Variants in RTEL1 observed in about 807,000 individuals in gnomAD.
RTEL1 encodes regulator of telomere elongation helicase 1.
A neutral mutation model predicts 162.2 loss-of-function variants in RTEL1; 86 were observed. That is an observed-to-expected ratio of 0.53 (90% CI 0.45 to 0.63). The LOEUF is 0.63. RTEL1 is among the 30% of genes least tolerant of loss of function. RTEL1 has a pLI of 0.00. For missense variants in RTEL1, 1,941 were observed against 1,750.2 expected, an observed-to-expected ratio of 1.11 and a Z score of -1.95; for synonymous variants, 958 against 717.9, an observed-to-expected ratio of 1.33 and a Z score of -5.35.
In RTEL1 at chr20:63,695,794, C is replaced by T; in HGVS notation, c.3839C>T (p.Pro1280Leu). The T allele has an allele frequency of 6.3e-7, 1 of 1,595,714 alleles. No homozygotes were observed. Among genetic ancestry groups the T allele is most frequent in the African/African-American group, 1.3e-5 (1 of 74,862 alleles). ...GTCTCACAGGCCTCTAGGATGTGCC[C>T]AGCCTGCCACACCGCCTCCAGGAAG... is the stretch of plus-strand genomic sequence containing the variant. Reference protein sequence around the residue: ...QRHLQASRMCPACHTASRKQS... With the variant: ...QRHLQASRMCLACHTASRKQS... The change falls in exon 35 of 35, where the codon CCA becomes CTA. Residue 1280 changes from proline to leucine, a missense_variant. Coordinates refer to ENST00000360203, the MANE Select transcript of RTEL1 (RefSeq NM_001283009.2).
In RTEL1 at chr20:63,691,733, C is replaced by A; in HGVS notation, c.2557-9C>A. 6.2e-7 allele frequency: 1 copy of A among 1,609,536 alleles called. No homozygotes were observed. The highest frequency in any genetic ancestry group is 1.1e-5 in the South Asian group (1 of 90,970). ...GTCTGTGTGTGGTTGTGAGCTGTGT[C>A]CTCCTCAGGCCCACAGCTGCTCCAC... is the stretch of plus-strand genomic sequence containing the variant. On this transcript the variant is annotated splice_polypyrimidine_tract_variant and intron_variant, in intron 27 of 34. Transcript: ENST00000360203.
intron 14 of RTEL1, 97 bp from the exon 15 acceptor site, chr20:63,685,426 C>A: frequency 7.9e-7 from 1 of 1,267,110 alleles, no homozygotes; most frequent in East Asian, 2.5e-5. Context: ...ACCGATGACC[C>A]CTGGGTGTCC....
chr20:63,696,020 G>A lies in RTEL1; in HGVS notation c.*162G>A. ...GGGGCCCATGGTTGGTCCCTGCGGTGGGACCGGATCTGGGCCTGCCTCTGA... is the reference window on the plus strand; with the variant it reads ...GGGGCCCATGGTTGGTCCCTGCGGTAGGACCGGATCTGGGCCTGCCTCTGA... On this transcript the variant is annotated 3_prime_UTR_variant, in exon 35 of 35. Coordinates refer to ENST00000360203, the MANE Select transcript of RTEL1 (RefSeq NM_001283009.2). 1.4e-6 allele frequency: 1 copy of A among 691,092 alleles called. No homozygotes were observed. Among genetic ancestry groups the A allele is most frequent in the Non-Finnish European group, 2.4e-6 (1 of 418,008 alleles). The allele number at this position is 691,092 out of a possible 1,614,324, so 42.8% of individuals were successfully genotyped here.
chr20:63,678,705 T>A lies in RTEL1; in HGVS notation c.1037+359T>A, dbSNP rs1251260357. Among the ~76,000 whole-genome samples, 4 of 31,940 alleles carry A rather than the reference T, an allele frequency of 1.3e-4. No individual in the cohort carries two copies. In the East Asian group the frequency reaches 2.2e-3, roughly 17 times the overall value. The allele number at this position is 31,940 out of a possible 152,430, so 21.0% of individuals were successfully genotyped here. A position where few individuals can be genotyped will look rare whatever the true frequency, so the allele number is the denominator to read the frequency against. On this transcript the variant is annotated intron_variant, in intron 12 of 34. Transcript: ENST00000360203. The stretch of plus-strand genomic sequence containing the variant: ...CACACCCACGGAACAGCACACACAC[T>A]CCCACGGAACAGCACACACACCCAC...
intron 10 of RTEL1, among the ~76,000 whole-genome samples, chr20:63,674,355 T>A (rs2090307588): frequency 6.6e-6 from 1 of 152,200 alleles, no homozygotes; most frequent in Admixed American, 6.5e-5. Flanking sequence ...TCCTGTAGCC[T>A]GTGGAAGGGC....
Position 63,692,999 on chromosome 20 carries a change from C to A in RTEL1, c.2847C>A (p.Leu949=), listed in dbSNP as rs766185347. 1 of 1,612,402 alleles carries A rather than the reference C, an allele frequency of 6.2e-7. No individual in the cohort carries two copies. Among genetic ancestry groups the A allele is most frequent in the African/African-American group, 1.3e-5 (1 of 74,930 alleles). ...AGGACCCCAAGAAGCACAACCTGCT[C>A]CAAGGTGCCCTGGCTTGCAGAGGCC... ...FAEDPKKHNL[L]QGFYQFVRPH... The change falls in exon 29 of 35, where the codon CTC becomes CTA. Residue 949 remains leucine (L), a synonymous_variant. Transcript: ENST00000360203.
chr20:63,673,228 C>T (rs1420081400), intron 9 of RTEL1, among the ~76,000 whole-genome samples: 1 of 151,830 alleles, frequency 6.6e-6, no homozygotes, highest in Non-Finnish European at 1.5e-5. Flanking sequence ...ACCGTCTCTA[C>T]TAAAAATACA....
In RTEL1 at chr20:63,678,355, C is replaced by T. The variant is rs373823132; in HGVS notation, c.1037+9C>T. The T allele has an allele frequency of 1.1e-5, 17 of 1,604,274 alleles. No homozygotes were observed. The highest frequency in any genetic ancestry group is 4.5e-5 in the East Asian group (2 of 44,598). ...GTCACCAAGCCAGGGAGGTGAGAGG[C>T]GGGGAGCCAGCCCCTTCACTGCAGG... On this transcript the variant is annotated intron_variant, in intron 12 of 34. Transcript: ENST00000360203.
rs6062300 is a variant in RTEL1, at chr20:63,672,441, G to A, written c.700-115G>A. On this transcript the variant is annotated intron_variant, in intron 8 of 34. Coordinates refer to ENST00000360203, the MANE Select transcript of RTEL1 (RefSeq NM_001283009.2). ...TCTGGCCTCTGCTCTCGACATCGCCGGCGCTGTTGCTCATCTGCGCTTGTG... is the reference window on the plus strand; with the variant it reads ...TCTGGCCTCTGCTCTCGACATCGCCAGCGCTGTTGCTCATCTGCGCTTGTG... The A allele has an allele frequency of 0.45, 374,617 of 828,762 alleles. 89,103 individuals are homozygous for A. Among genetic ancestry groups the A allele is most frequent in the Non-Finnish European group, 0.49 (245,173 of 497,618 alleles). 51.3% of individuals were successfully genotyped at this position (828,762 alleles called of 1,614,324 possible). A position where few individuals can be genotyped will look rare whatever the true frequency, so the allele number is the denominator to read the frequency against.
intron 7 of RTEL1, among the ~76,000 whole-genome samples, chr20:63,667,038 A>G (rs535847958): frequency 1.1e-4 from 16 of 148,496 alleles, no homozygotes; most frequent in East Asian, 4.0e-4. Context: ...ACGGGGTTTC[A>G]CCGTGTTAGC....
At position 63,674,404 on chromosome 20, in the gene RTEL1, A is replaced by G. The variant is rs186506818; in HGVS notation, c.919+311A>G. Among the ~76,000 whole-genome samples the G allele has an allele frequency of 5.1e-3, 781 of 152,308 alleles. 6 individuals carry two copies. The highest frequency in any genetic ancestry group is 0.018 in the African/African-American group (758 of 41,558). On this transcript the variant is annotated intron_variant, in intron 10 of 34. Transcript: ENST00000360203. ...TAGTTCTGGTATTTTCCAAAGACCTATGTCTTCTCCCAGCCAGTATCAACT... is the reference window on the plus strand; with the variant it reads ...TAGTTCTGGTATTTTCCAAAGACCTGTGTCTTCTCCCAGCCAGTATCAACT...
Position 63,692,838 on chromosome 20 carries a change from G to T in RTEL1, c.2686G>T (p.Ala896Ser), listed in dbSNP as rs769828971. The T allele has an allele frequency of 1.2e-5, 19 of 1,612,580 alleles. No individual in the cohort carries two copies. Among genetic ancestry groups the T allele is most frequent in the Non-Finnish European group, 1.6e-5 (19 of 1,179,842 alleles). Residue 896 changes from alanine to serine, a missense_variant, in exon 29 of 35, where the codon GCC (alanine) becomes TCC (serine). Ala to Ser is a moderately conservative substitution (Grantham distance 99). Transcript: ENST00000360203. Reference sequence around the variant, plus strand: ...CGTGGCTGGTGCACAGACGGACAGGGCCAAGCTCTTCATGGTGGCCGTGAA... The same window carrying T: ...CGTGGCTGGTGCACAGACGGACAGGTCCAAGCTCTTCATGGTGGCCGTGAA... ...EPVAGAQTDR[A>S]KLFMVAVKQE...
chr20:63,693,111 G>C (rs1171164067), intron 29 of RTEL1, 32 bp from the exon 30 acceptor site: 1 of 1,612,046 alleles, frequency 6.2e-7, no homozygotes, highest in Non-Finnish European at 8.5e-7. Context: ...AGAAAAAGGG[G>C]CAGATGGGGA....
Position 63,692,890 on chromosome 20 carries a change from C to G in RTEL1, c.2738C>G (p.Ala913Gly). Residue 913 changes from alanine (A) to glycine (G), a missense_variant, in exon 29 of 35, where the codon GCC (alanine) becomes GGC (glycine). Transcript: ENST00000360203. Reference protein sequence around the residue: ...VKQELSQANFATFTQALQDYK... With the variant: ...VKQELSQANFGTFTQALQDYK... ...CAGGAGTTGAGCCAAGCCAACTTTGCCACCTTCACCCAGGCCCTGCAGGAC... is the reference window on the plus strand; with the variant it reads ...CAGGAGTTGAGCCAAGCCAACTTTGGCACCTTCACCCAGGCCCTGCAGGAC... 6.2e-7 allele frequency: 1 copy of G among 1,612,656 alleles called. No individual in the cohort carries two copies. Among genetic ancestry groups the G allele is most frequent in the Non-Finnish European group, 8.5e-7 (1 of 1,179,860 alleles).
intron 8 of RTEL1, among the ~76,000 whole-genome samples, chr20:63,670,584 A>G (rs1013866320): frequency 1.3e-5 from 2 of 152,262 alleles, no homozygotes; most frequent in African/African-American, 4.8e-5. Context: ...TGAGTGTGGC[A>G]TGAGGATGTG....
chr20:63,693,110 G>C lies in RTEL1; in HGVS notation c.2852-33G>C, dbSNP rs201259542. On this transcript the variant is annotated intron_variant, in intron 29 of 34. Transcript: ENST00000360203. The stretch of plus-strand genomic sequence containing the variant: ...GGTCTCTGTTCTCTAGAGAAAAAGG[G>C]GCAGATGGGGACAGACGCCCCTTCC... 2,578 of 1,612,040 alleles carry C rather than the reference G, an allele frequency of 1.6e-3. 33 individuals are homozygous for C. The highest frequency in any genetic ancestry group is 0.016 in the South Asian group (1,455 of 91,078).
At chr20:63,674,574 T>C (rs1416002420) in intron 10 of RTEL1, among the ~76,000 whole-genome samples, 2 of 151,998 alleles carry the variant, frequency 1.3e-5, no homozygotes, top group Admixed American at 1.3e-4. Context: ...GGTGGTGTGC[T>C]CCTGTGGTCC....
rs1601103909 is a variant in RTEL1 at position 63,668,107 on chromosome 20, G to T, written c.699+554G>T. ...TTCCGCCCCGTGTGCCCAGCCCCAC[G>T]CTCACTCCCCCCGCCAGCATGTGCC... is the stretch of plus-strand genomic sequence containing the variant. On this transcript the variant is annotated intron_variant, in intron 8 of 34. Coordinates refer to ENST00000360203, the MANE Select transcript of RTEL1 (RefSeq NM_001283009.2). This position sits in a 1 kb window ranked among gnomAD's most constrained non-coding sequence, Gnocchi z 4.3. 9.6e-6 allele frequency among the ~76,000 whole-genome samples: 1 copy of T among 103,682 alleles called. No individual in the cohort carries two copies. Among genetic ancestry groups the T allele is most frequent in the Non-Finnish European group, 2.0e-5 (1 of 50,472 alleles). 68.0% of individuals were successfully genotyped at this position (103,682 alleles called of 152,430 possible).
chr20:63,663,656 A>G (rs1569081761), intron 6 of RTEL1, among the ~76,000 whole-genome samples: 3 of 152,332 alleles, frequency 2.0e-5, no homozygotes, highest in African/African-American at 4.8e-5. Flanking sequence ...TGAGGGTGGC[A>G]TCTGTGCAGT....
Sources: allele counts gnomAD v4.1 joint callset (sites outside exome capture counted in the v4.1 genomes callset), GRCh38; gene constraint gnomAD v4.1.1; non-coding constraint Gnocchi (gnomAD v3.1); transcripts MANE v1.5; gene names NCBI Gene and HGNC (gene_info 2026-07-23, HGNC 2026-07-21).